A2ML1: variants seen among roughly 807,000 people sequenced by gnomAD.
The protein encoded by A2ML1 is alpha-2-macroglobulin like 1, also known as alpha-2-macroglobulin-like protein 1.
In A2ML1, 161 loss-of-function variants were observed where a neutral mutation model predicts 181.9. The observed-to-expected ratio is 0.89, with a 90% CI of 0.78 to 1.01. A2ML1 has a LOEUF of 1.01. A2ML1 is among the 50% of genes least tolerant of loss of function. The pLI, the probability that A2ML1 is intolerant of heterozygous loss-of-function variation, is 0.00. For synonymous variants in A2ML1, 663 were observed against 666.8 expected (o/e 0.99, Z 0.09); for missense variants, 1,670 against 1,768.1 (o/e 0.94, Z 1.00).
At position 8,837,433 on chromosome 12, in the gene A2ML1, T is replaced by C. The variant is rs745446964; in HGVS notation, c.729-7T>C. 1.9e-6 allele frequency: 3 copies of C among 1,613,560 alleles called. No homozygotes were observed. The highest frequency in any genetic ancestry group is 1.7e-5 in the Admixed American group (1 of 60,012). ...CAACTCTGACTCCTTATGCTTTTCT[T>C]GGTTAGGTACACCTATGGAAAGCCC... On this transcript the variant is annotated splice_region_variant and splice_polypyrimidine_tract_variant and intron_variant, in intron 7 of 35. Transcript: ENST00000299698.
At position 8,843,288 on chromosome 12, in the gene A2ML1, A is replaced by G. The variant is rs754573988; in HGVS notation, c.1403A>G (p.Gln468Arg). ...LNGPLKCGQP[Q>R]EVLVDYYIDP... ...GGCCCCTTGAAATGTGGCCAGCCCC[A>G]GGAAGTGCTGGTGGATTATTACATC... Residue 468 changes from glutamine (Q) to arginine (R), a missense_variant, in exon 12 of 36, where the codon CAG becomes CGG. Transcript: ENST00000299698. 5.6e-6 allele frequency: 9 copies of G among 1,614,178 alleles called. No individual in the cohort carries two copies. Among genetic ancestry groups the G allele is most frequent in the East Asian group, 2.2e-5 (1 of 44,884 alleles).
chr12:8,885,237 G>A (rs1042672279), intron 7 of A2ML1, among the ~76,000 whole-genome samples: 1 of 152,102 alleles, frequency 6.6e-6, no homozygotes, highest in Admixed American at 6.6e-5. Flanking sequence ...TCAAGTGAGT[G>A]ATTTTATTAT....
chr12:8,834,515 G>C (rs1442868656), intron 4 of A2ML1, 147 bp from the exon 5 acceptor site: 2 of 926,644 alleles, frequency 2.2e-6, no homozygotes, highest in Non-Finnish European at 3.3e-6. Context: ...ATTCTTTTCA[G>C]GGCACAAAAG....
Position 8,826,110 on chromosome 12 carries a change from T to C in A2ML1, c.409+2228T>C, listed in dbSNP as rs959059688. Among the ~76,000 whole-genome samples, 6 of 152,336 alleles carry C rather than the reference T, an allele frequency of 3.9e-5. No individual in the cohort carries two copies. The South Asian group carries it at 1.2e-3, about 32-fold the overall frequency. On this transcript the variant is annotated intron_variant, in intron 3 of 35. Coordinates refer to ENST00000299698, the MANE Select transcript of A2ML1 (RefSeq NM_144670.6). ...TCCATAAAAATTTTATGATTTTTTT[T>C]ACAAAAGTCCTAAGATTTAGGATGT... is the stretch of plus-strand genomic sequence containing the variant.
intron 29 of A2ML1, 58 bp from the exon 30 acceptor site, chr12:8,867,784 C>A: frequency 6.7e-7 from 1 of 1,493,826 alleles, no homozygotes; most frequent in South Asian, 1.1e-5. Flanking sequence ...TAGAGTTGTT[C>A]AAGGTTAATT....
chr12:8,872,755 G>A (rs1445335286), intron 33 of A2ML1, among the ~76,000 whole-genome samples: 1 of 146,776 alleles, frequency 6.8e-6, no homozygotes, highest in East Asian at 2.0e-4. Context: ...CTATACTCTA[G>A]CCTGGGCAAC....
chr12:8,856,300 T>C (rs1172145023), intron 23 of A2ML1, among the ~76,000 whole-genome samples: 1 of 152,236 alleles, frequency 6.6e-6, no homozygotes, highest in Non-Finnish European at 1.5e-5. Flanking sequence ...ATAGCACTTA[T>C]CTTATTGTAT....
Position 8,852,233 on chromosome 12 carries a change from G to C in A2ML1, c.2487G>C (p.Ser829=). The change falls in exon 20 of 36, where the codon TCG becomes TCC. Residue 829 remains serine, a synonymous_variant. Transcript: ENST00000299698. This position sits in a 1 kb window ranked among gnomAD's most constrained non-coding sequence, Gnocchi z 4.2. ...CIRVQTDLAK[S]HEYQLESWAD... ...AGGTTCAGACTGACCTGGCTAAATCGCATGAGTACCAGCTAGAATCATGGG... is the reference window on the plus strand; with the variant it reads ...AGGTTCAGACTGACCTGGCTAAATCCCATGAGTACCAGCTAGAATCATGGG... The C allele has an allele frequency of 6.2e-7, 1 of 1,614,018 alleles. No individual in the cohort carries two copies.
chr12:8,873,525 C>G (rs1944698893), intron 33 of A2ML1, among the ~76,000 whole-genome samples: 1 of 152,076 alleles, frequency 6.6e-6, no homozygotes, highest in Admixed American at 6.6e-5. Context: ...AGATATGATA[C>G]CTGGCCTAAG....
intron 26 of A2ML1, among the ~76,000 whole-genome samples, chr12:8,860,583 G>A (rs1421934629): frequency 1.3e-5 from 2 of 151,972 alleles, no homozygotes; most frequent in Non-Finnish European, 2.9e-5. Context: ...CTTCTTTAAA[G>A]CTCTTACCCT....
intron 21 of A2ML1, 69 bp from the exon 22 acceptor site, chr12:8,854,711 C>T: frequency 6.3e-7 from 1 of 1,579,776 alleles, no homozygotes; most frequent in Non-Finnish European, 8.7e-7. Flanking sequence ...CCTCCCTTCC[C>T]TTTCCTTTAG....
intron 7 of A2ML1, 59 bp downstream of exon 7, chr12:8,836,398 G>T: frequency 6.8e-7 from 1 of 1,470,454 alleles, no homozygotes; most frequent in Non-Finnish European, 9.5e-7. Context: ...GACATGATGA[G>T]GGGATGACAT....
At position 8,857,228 on chromosome 12, in the gene A2ML1, C is replaced by T. The variant is rs778857180; in HGVS notation, c.2913C>T (p.Gly971=). 59 of 1,613,100 alleles carry T rather than the reference C, an allele frequency of 3.7e-5. No homozygotes were observed. The highest frequency in any genetic ancestry group is 6.7e-5 in the Admixed American group (4 of 59,996). ...DGLVQMPSGC[G]EQNMVLFAPI... ...TGGTGCAGATGCCCAGTGGCTGTGG[C>T]GAGCAGAACATGGTCTTGTTTGCTC... Residue 971 remains glycine (G), a synonymous_variant, in exon 24 of 36, where the codon GGC becomes GGT. Transcript: ENST00000299698.
rs1944473436 is a variant in A2ML1, at chr12:8,867,897, C to T, written c.3773C>T (p.Pro1258Leu). 2 of 1,614,126 alleles carry T rather than the reference C, an allele frequency of 1.2e-6. No individual in the cohort carries two copies. Among genetic ancestry groups the T allele is most frequent in the Admixed American group, 3.3e-5 (2 of 59,994 alleles). The change falls in exon 30 of 36, where the codon CCA (proline) becomes CTA (leucine). Residue 1258 changes from proline to leucine, a missense_variant. Pro to Leu is a moderately conservative substitution (Grantham distance 98, BLOSUM62 -3). Transcript: ENST00000299698. The part of the protein sequence containing the change: ...LAKYATTAYM[P>L]SEEINLVVKS... ...AAATATGCCACTACCGCCTACATGC[C>T]ATCTGAGGAGATCAACCTGGTTGTA...
intron 12 of A2ML1, chr12:8,844,876 C>A: frequency 1.5e-6 from 1 of 684,100 alleles, no homozygotes; most frequent in Non-Finnish European, 2.0e-6. Flanking sequence ...GTCCAAGGAA[C>A]CGACCTTGGA....
chr12:8,860,348 C>T (rs1333704139), intron 26 of A2ML1, among the ~76,000 whole-genome samples: 2 of 152,128 alleles, frequency 1.3e-5, no homozygotes, highest in African/African-American at 4.8e-5. Flanking sequence ...TGACCACAAG[C>T]TATTTAATCT....
rs1388259023 is a variant in A2ML1, at chr12:8,841,278, A to G, written c.1081-91A>G. On this transcript the variant is annotated intron_variant, in intron 10 of 35. Coordinates refer to ENST00000299698, the MANE Select transcript of A2ML1 (RefSeq NM_144670.6). Reference sequence around the variant, plus strand: ...ATTACTTTTAGTGCCAAAAACCACAATTAGTTTGCACCAACCTAATATTTC... The same window carrying G: ...ATTACTTTTAGTGCCAAAAACCACAGTTAGTTTGCACCAACCTAATATTTC... 55 of 1,231,968 alleles carry G rather than the reference A, an allele frequency of 4.5e-5. No individual in the cohort carries two copies. The East Asian group carries it at 1.3e-3, about 28-fold the overall frequency. 76.3% of individuals were successfully genotyped at this position (1,231,968 alleles called of 1,614,324 possible).
chr12:8,862,640 A>G (rs918828737), intron 28 of A2ML1, among the ~76,000 whole-genome samples: 1 of 152,234 alleles, frequency 6.6e-6, no homozygotes, highest in East Asian at 1.9e-4. Context: ...CTTCATTTAT[A>G]TGAGCGTCAT....
chr12:8,834,587 A>T, intron 4 of A2ML1, 75 bp from the exon 5 acceptor site: 1 of 1,552,686 alleles, frequency 6.4e-7, no homozygotes, highest in Non-Finnish European at 8.8e-7. Flanking sequence ...TTCTTTGTGA[A>T]CTTTTGCTTT....
Sources: allele counts gnomAD v4.1 joint callset (sites outside exome capture counted in the v4.1 genomes callset), GRCh38; gene constraint gnomAD v4.1.1; non-coding constraint Gnocchi (gnomAD v3.1); transcripts MANE v1.5; gene names NCBI Gene and HGNC (gene_info 2026-07-23, HGNC 2026-07-21).